MSL3: variants seen among roughly 807,000 people sequenced by gnomAD.
MSL3 encodes the protein MSL complex subunit 3.
Under a neutral mutation model 37.2 loss-of-function variants are expected in MSL3, and 5 were observed. That is an observed-to-expected ratio of 0.13 (90% CI 0.07 to 0.28). The LOEUF (loss-of-function observed/expected upper bound fraction) is 0.28. Among genes scored for constraint, MSL3 ranks in the 10% least tolerant of loss-of-function variants. The probability of loss-of-function intolerance (pLI) is 1.00; values close to 1 mark genes in which losing one functional copy is unlikely to be tolerated. For missense variants in MSL3, 315 were observed against 408.5 expected (o/e 0.77, Z 1.97); for synonymous variants, 149 against 147.6 (o/e 1.01, Z -0.07).
At chrX:11,759,508 G>A in intron 1 of MSL3, 1 of 735,132 alleles carries the variant, frequency 1.4e-6, no homozygotes, top group Non-Finnish European at 1.8e-6. Context: ...CTTTCATCTA[G>A]CCTGGAGTCT....
In MSL3 at chrX:11,762,152, C is replaced by A. The variant is rs2053138570; in HGVS notation, c.488C>A (p.Thr163Lys). The A allele has an allele frequency of 2.6e-6, 3 of 1,157,766 alleles. No homozygotes were observed. The African/African-American group carries it at 5.5e-5, about 21-fold the overall frequency. Residue 163 changes from threonine (T) to lysine (K), a missense_variant, in exon 6 of 13, where the codon ACA becomes AAA. Transcript: ENST00000312196. ...TEVKEEPELQ[T>K]RREMEERTIT... Reference sequence around the variant, plus strand: ...CAGAAAGAAGAACCAGAGCTTCAAACAAGAAGGGAAATGGAAGAAAGAACA... The same window carrying A: ...CAGAAAGAAGAACCAGAGCTTCAAAAAAGAAGGGAAATGGAAGAAAGAACA...
In MSL3 at chrX:11,758,346, G is replaced by A; in HGVS notation, c.83G>A (p.Arg28Gln). 3 of 1,137,151 alleles carry A rather than the reference G, an allele frequency of 2.6e-6. No homozygotes were observed. Among genetic ancestry groups the A allele is most frequent in the Non-Finnish European group, 3.5e-6 (3 of 856,312 alleles). 93.7% of individuals were successfully genotyped at this position (1,137,151 alleles called of 1,213,427 possible). A position where few individuals can be genotyped will look rare whatever the true frequency, so the allele number is the denominator to read the frequency against. Residue 28 changes from arginine to glutamine, a missense_variant, in exon 1 of 13, where the codon CGA becomes CAA. Physicochemically the swap from Arg to Gln is conservative, Grantham distance 43 (BLOSUM62 1). Coordinates refer to ENST00000312196, the MANE Select transcript of MSL3 (RefSeq NM_078629.4). ...TTCGAGCCTGACCCCACCAAGGCGC[G>A]AGTGCTGTACGATGCCAAGGTGCCG... ...LCFEPDPTKARVLYDAKIVDV... is the reference protein window; with the variant it reads ...LCFEPDPTKAQVLYDAKIVDV...
chrX:11,772,105 GA>G (rs762830766), intron 10 of MSL3, 50 bp from the exon 11 acceptor site: 3 of 881,455 alleles, frequency 3.4e-6, no homozygotes, highest in Non-Finnish European at 3.3e-6. Flanking sequence ...TAGGTGGTTG[GA>G]AGTGTCTCCA....
At chrX:11,765,172 G>C (rs73188562) in intron 8 of MSL3, among the ~76,000 whole-genome samples, 7,567 of 111,873 alleles carry the variant, frequency 0.068, 201 homozygotes, top group African/African-American at 0.11. Context: ...CACTAGATGC[G>C]GATAACACCT....
Position 11,761,573 on chromosome X carries a change from G to C in MSL3, c.456G>C (p.Lys152Asn). ...EISEESDIEE[K>N]TEVKEEPELQ... ...GTGAAGAAAGTGATATTGAAGAAAAGACTGAAGTGGTATAAAGTTTTTATT... is the reference window on the plus strand; with the variant it reads ...GTGAAGAAAGTGATATTGAAGAAAACACTGAAGTGGTATAAAGTTTTTATT... The change falls in exon 5 of 13, where the codon AAG becomes AAC. Residue 152 changes from lysine to asparagine, a missense_variant. By Grantham distance (94) the Lys-to-Asn change is moderately conservative. Coordinates refer to ENST00000312196, the MANE Select transcript of MSL3 (RefSeq NM_078629.4). 8.6e-7 allele frequency: 1 copy of C among 1,158,335 alleles called. No individual in the cohort carries two copies.
At chrX:11,759,929 A>G (rs2053114111) in intron 2 of MSL3, 54 bp downstream of exon 2, 1 of 1,155,071 alleles carries the variant, frequency 8.7e-7, no homozygotes, top group Admixed American at 2.3e-5. Flanking sequence ...CTGCATAGAA[A>G]CATTGCAGAC....
In MSL3 at chrX:11,760,897, A is replaced by T; in HGVS notation, c.342A>T (p.Lys114Asn). The change falls in exon 4 of 13, where the codon AAA becomes AAT. Residue 114 changes from lysine (K) to asparagine (N), a missense_variant. Physicochemically the swap from Lys to Asn is moderately conservative, Grantham distance 94. Transcript: ENST00000312196. ...TGCCTGGTGTGGACTCTGTCTTAAA[A>T]GGCCTCCCCACTGAAGAAAAAGATG... ...CRLPGVDSVL[K>N]GLPTEEKDEN... 1 of 1,199,644 alleles carries T rather than the reference A, an allele frequency of 8.3e-7. No individual in the cohort carries two copies. The highest frequency in any genetic ancestry group is 1.1e-6 in the Non-Finnish European group (1 of 888,410).
chrX:11,766,000 G>A, intron 9 of MSL3: 1 of 1,007,203 alleles, frequency 9.9e-7, no homozygotes. Flanking sequence ...AGCAAATTGA[G>A]TTATCAGAAT....
chrX:11,767,314 A>T (rs113021180), intron 9 of MSL3: 24,659 of 723,569 alleles, frequency 0.034, 885 homozygotes, highest in African/African-American at 0.22. Context: ...CTTGATTGAG[A>T]TATAATCCAC....
rs376244512 is a variant in MSL3, at chrX:11,762,258, T to C, written c.588+6T>C. The C allele has an allele frequency of 1.2e-5, 14 of 1,144,498 alleles. No individual in the cohort carries two copies. The African/African-American group carries it at 2.4e-4, about 20-fold the overall frequency. The allele number at this position is 1,144,498 out of a possible 1,213,427, so 94.3% of individuals were successfully genotyped here. ...ACATTAACAGGAGGAAACGGGTATG[T>C]AGGGAGAATGTATAAAACATTAATT... On this transcript the variant is annotated splice_donor_region_variant and intron_variant, in intron 6 of 12. Coordinates refer to ENST00000312196, the MANE Select transcript of MSL3 (RefSeq NM_078629.4).
rs1382149913 is a variant in MSL3 at position 11,763,947 on chromosome X, T to C, written c.908+9T>C. The C allele has an allele frequency of 1.7e-6, 2 of 1,193,920 alleles. No individual in the cohort carries two copies. The highest frequency in any genetic ancestry group is 3.0e-5 in the East Asian group (1 of 33,664). On this transcript the variant is annotated intron_variant, in intron 8 of 12. Transcript: ENST00000312196. The stretch of plus-strand genomic sequence containing the variant: ...GCCACAAGCACTAACAGGTAAGTTA[T>C]ATAGCCTGCACTTTCACCCTCACAT...
At chrX:11,771,901 A>C (rs1321087290) in intron 10 of MSL3, among the ~76,000 whole-genome samples, 1 of 112,316 alleles carries the variant, frequency 8.9e-6, no homozygotes, top group East Asian at 2.8e-4. Flanking sequence ...ATTTTCAATA[A>C]AGAGAAAGGA....
intron 8 of MSL3, 195 bp downstream of exon 8, chrX:11,764,133 G>T: frequency 2.6e-6 from 1 of 379,157 alleles, no homozygotes; most frequent in Non-Finnish European, 4.5e-6. Flanking sequence ...GGCTCTGGCA[G>T]ATTTTACCAA....
At chrX:11,761,854 T>C (rs2053135706) in intron 5 of MSL3, among the ~76,000 whole-genome samples, 1 of 112,489 alleles carries the variant, frequency 8.9e-6, no homozygotes, top group Middle Eastern at 4.6e-3. Context: ...ATTAATTTTT[T>C]AATGGAGCCT....
At chrX:11,760,576 G>C in intron 3 of MSL3, 78 bp downstream of exon 3, 3 of 653,712 alleles carry the variant, frequency 4.6e-6, no homozygotes, top group Non-Finnish European at 6.7e-6. Flanking sequence ...TGATATAAAA[G>C]TAATACAATG....
At position 11,760,244 on chromosome X, in the gene MSL3, G is replaced by C. The variant is rs2053118397; in HGVS notation, c.186-159G>C. The C allele has an allele frequency of 7.5e-6, 3 of 397,541 alleles. No individual in the cohort carries two copies. In the African/African-American group the frequency reaches 7.7e-5, roughly 10 times the overall value. 32.8% of individuals were successfully genotyped at this position (397,541 alleles called of 1,213,427 possible). ...CCCAGTTGTTTCTGTGTCTGAATGA[G>C]TTACTTTTTCAGTTTATTTGCCTCC... On this transcript the variant is annotated intron_variant, in intron 2 of 12. Coordinates refer to ENST00000312196, the MANE Select transcript of MSL3 (RefSeq NM_078629.4).
At chrX:11,773,718 G>A (rs1305438550) in intron 12 of MSL3, among the ~76,000 whole-genome samples, 1 of 112,318 alleles carries the variant, frequency 8.9e-6, no homozygotes, top group Non-Finnish European at 1.9e-5. Context: ...AGGAAATCCT[G>A]CTAATTTTGA....
chrX:11,760,894 A>G lies in MSL3; in HGVS notation c.339A>G (p.Leu113=), dbSNP rs372603177. ...RCRLPGVDSV[L]KGLPTEEKDE... is the part of the protein sequence containing the mutation. Reference sequence around the variant, plus strand: ...GGTTGCCTGGTGTGGACTCTGTCTTAAAAGGCCTCCCCACTGAAGAAAAAG... The same window carrying G: ...GGTTGCCTGGTGTGGACTCTGTCTTGAAAGGCCTCCCCACTGAAGAAAAAG... Residue 113 remains leucine (L), a synonymous_variant, in exon 4 of 13, where the codon TTA becomes TTG. Transcript: ENST00000312196. 6 of 1,199,446 alleles carry G rather than the reference A, an allele frequency of 5.0e-6. No homozygotes were observed. In the African/African-American group the frequency reaches 8.7e-5, roughly 17 times the overall value.
chrX:11,761,020 G>A (rs1366215763), intron 4 of MSL3, 83 bp downstream of exon 4: 2 of 687,042 alleles, frequency 2.9e-6, no homozygotes, highest in Non-Finnish European at 4.3e-6. Context: ...TCTAGACAGG[G>A]AAACACTTCA....
Sources: gnomAD v4.1 joint callset for allele counts (sites outside exome capture counted in the v4.1 genomes callset) on GRCh38, gnomAD v4.1.1 for gene constraint, MANE v1.5 for transcripts, NCBI Gene and HGNC (gene_info 2026-07-23, HGNC 2026-07-21) for gene names.